FOXP1: variants seen among roughly 807,000 people sequenced by gnomAD.
The protein encoded by FOXP1 is forkhead box P1.
FOXP1 carries 15 observed loss-of-function variants against 98.2 expected under a neutral mutation model. That is an observed-to-expected ratio of 0.15 (90% CI 0.10 to 0.24). The LOEUF is 0.24. FOXP1 is among the 10% of genes least tolerant of loss of function. The pLI is 1.00. For missense variants in FOXP1, 633 were observed against 848.5 expected (o/e 0.75, Z 3.15); for synonymous variants, 371 against 314.5 (o/e 1.18, Z -1.90).
At chr3:71,514,484 G>C (rs2042418213) in intron 2 of FOXP1, among the ~76,000 whole-genome samples, 1 of 152,198 alleles carries the variant, frequency 6.6e-6, no homozygotes, top group South Asian at 2.1e-4. Context: ...GTGCCCACAA[G>C]GCCAGGATCT....
intron 12 of FOXP1, among the ~76,000 whole-genome samples, chr3:71,009,219 C>A (rs1221436338): frequency 7.8e-6 from 1 of 128,492 alleles, no homozygotes; most frequent in Non-Finnish European, 1.6e-5. Context: ...CTTGAGGGTT[C>A]TGTGAATCCA....
chr3:71,217,355 G>A (rs1175112637), intron 5 of FOXP1, among the ~76,000 whole-genome samples: 2 of 152,160 alleles, frequency 1.3e-5, no homozygotes, highest in African/African-American at 4.8e-5. Context: ...TTACAGGTGT[G>A]AGCCACTGTG....
intron 5 of FOXP1, among the ~76,000 whole-genome samples, chr3:71,203,473 G>C (rs988615946): frequency 1.3e-5 from 2 of 152,164 alleles, no homozygotes; most frequent in African/African-American, 4.8e-5. Context: ...AATTAAAGCT[G>C]TGCTTTATTA....
chr3:71,008,117 G>T (rs2043035638), intron 12 of FOXP1, among the ~76,000 whole-genome samples: 1 of 152,142 alleles, frequency 6.6e-6, no homozygotes, highest in Middle Eastern at 3.2e-3. Flanking sequence ...AGAAAAACTA[G>T]GAGAAATGGA....
chr3:71,075,318 C>T (rs919181322), intron 7 of FOXP1, among the ~76,000 whole-genome samples: 2 of 152,224 alleles, frequency 1.3e-5, no homozygotes, highest in African/African-American at 2.4e-5. Flanking sequence ...ACACAGTAAG[C>T]ACTTAAAATG....
chr3:70,979,344 T>A (rs2038366694), intron 14 of FOXP1, among the ~76,000 whole-genome samples: 1 of 141,108 alleles, frequency 7.1e-6, no homozygotes, highest in African/African-American at 2.7e-5. Flanking sequence ...TAATGAGCAC[T>A]GTTTCAATTT....
intron 7 of FOXP1, among the ~76,000 whole-genome samples, chr3:71,054,870 C>G (rs2050405356): frequency 6.6e-6 from 1 of 151,964 alleles, no homozygotes; most frequent in Non-Finnish European, 1.5e-5. Context: ...CAGCAAGAAG[C>G]TAGAAGCAGT....
At chr3:71,249,880 A>G (rs2068046734) in intron 5 of FOXP1, among the ~76,000 whole-genome samples, 1 of 152,174 alleles carries the variant, frequency 6.6e-6, no homozygotes, top group Non-Finnish European at 1.5e-5. Context: ...AGCCCAGTGG[A>G]TCCTCCCTTG....
intron 5 of FOXP1, among the ~76,000 whole-genome samples, chr3:71,218,941 C>T (rs2065146092): frequency 6.6e-6 from 1 of 152,178 alleles, no homozygotes; most frequent in Admixed American, 6.5e-5. Context: ...TGGCCACTTC[C>T]ACTTTGATGT....
intron 7 of FOXP1, among the ~76,000 whole-genome samples, chr3:71,056,976 A>G (rs1353578630): frequency 1.3e-5 from 2 of 152,214 alleles, no homozygotes. Flanking sequence ...GCGAGAGGCT[A>G]TTACAGCCCA....
chr3:71,331,097 C>A (rs530552595), intron 4 of FOXP1, among the ~76,000 whole-genome samples: 2 of 152,306 alleles, frequency 1.3e-5, no homozygotes, highest in Admixed American at 1.3e-4. Context: ...TAGCCAAGGC[C>A]GGAGACGGCT....
chr3:71,291,870 C>A (rs1386921746), intron 5 of FOXP1, among the ~76,000 whole-genome samples: 1 of 151,902 alleles, frequency 6.6e-6, no homozygotes, highest in Non-Finnish European at 1.5e-5. Context: ...CCATGCCCAG[C>A]TAATTTTTGT....
intron 2 of FOXP1, among the ~76,000 whole-genome samples, chr3:71,509,512 C>T (rs187775190): frequency 2.0e-5 from 3 of 152,142 alleles, no homozygotes; most frequent in South Asian, 4.1e-4. Context: ...AGTCACATTC[C>T]GAGTGAGGTA....
At chr3:71,112,256 T>C (rs2058005437) in intron 7 of FOXP1, among the ~76,000 whole-genome samples, 1 of 152,180 alleles carries the variant, frequency 6.6e-6, no homozygotes, top group Non-Finnish European at 1.5e-5. Context: ...TATGAACTTT[T>C]CTCATTGGTA....
chr3:71,126,709 A>C (rs1359410044), intron 6 of FOXP1, among the ~76,000 whole-genome samples: 1 of 151,908 alleles, frequency 6.6e-6, no homozygotes, highest in Non-Finnish European at 1.5e-5. Flanking sequence ...CTGTAGTCCC[A>C]GCTACTTAGG....
chr3:70,967,687 G>GTTTTTTTT (rs67711426), intron 19 of FOXP1, among the ~76,000 whole-genome samples: 20 of 61,342 alleles, frequency 3.3e-4, no homozygotes, highest in South Asian at 5.9e-4. Context: ...ACTATTATTT[G>GTTTTTTTT]TTTTTTTTTT....
chr3:71,064,776 C>T (rs2052149771), intron 7 of FOXP1: 2 of 984,612 alleles, frequency 2.0e-6, no homozygotes, highest in African/African-American at 1.7e-5. Context: ...CGCCGCGGAG[C>T]CGGGGGAAGG....
chr3:70,999,915 A>G (rs969822079), intron 13 of FOXP1, among the ~76,000 whole-genome samples: 3 of 152,130 alleles, frequency 2.0e-5, no homozygotes, highest in Non-Finnish European at 2.9e-5. Context: ...TATTGTTTTA[A>G]TTTCCCCTAG....
chr3:71,189,883 C>T (rs771394009), intron 6 of FOXP1, among the ~76,000 whole-genome samples: 1 of 152,186 alleles, frequency 6.6e-6, no homozygotes. Flanking sequence ...CCTGATGGAA[C>T]CTAGACTTCA....
Sources: gnomAD v4.1 joint callset for allele counts (sites outside exome capture counted in the v4.1 genomes callset) on GRCh38, gnomAD v4.1.1 for gene constraint, MANE v1.5 for transcripts, NCBI Gene and HGNC (gene_info 2026-07-23, HGNC 2026-07-21) for gene names.